Variants in ATG3 observed in about 807,000 individuals in gnomAD.
ATG3 encodes autophagy related 3, also known as ubiquitin-like-conjugating enzyme ATG3.
ATG3 carries 25 observed loss-of-function variants against 50.7 expected under a neutral mutation model. The ratio of observed to expected loss-of-function variants is 0.49; its 90% CI spans 0.36 to 0.69. The LOEUF is 0.69. Ranked by LOEUF, ATG3 falls within the 30% of genes least tolerant of loss-of-function variation. The pLI is 0.00. For synonymous variants in ATG3, 119 were observed against 125.5 expected (o/e 0.95, Z 0.34); for missense variants, 281 against 376.0 (o/e 0.75, Z 2.09).
chr3:112,548,449 C>T, intron 5 of ATG3, 84 bp downstream of exon 5: 2 of 1,186,582 alleles, frequency 1.7e-6, no homozygotes, highest in South Asian at 1.3e-5. Flanking sequence ...CTTATGTATC[C>T]TCTTTTTTAA....
chr3:112,535,891 A>G (rs1559841967), intron 10 of ATG3: 1 of 152,320 alleles, frequency 6.6e-6, no homozygotes, highest in Admixed American at 6.5e-5. Flanking sequence ...AAAATTCTGA[A>G]CTAATCATGT....
intron 7 of ATG3, among the ~76,000 whole-genome samples, chr3:112,540,275 A>G (rs1933190325): frequency 6.6e-6 from 1 of 152,222 alleles, no homozygotes; most frequent in Admixed American, 6.5e-5. Context: ...ACAAACAGAA[A>G]GGTACTTTTG....
intron 5 of ATG3, among the ~76,000 whole-genome samples, chr3:112,547,255 C>CA (rs113108937): frequency 6.6e-6 from 1 of 152,246 alleles, no homozygotes; most frequent in South Asian, 2.1e-4. Context: ...TTATCCATTC[C>CA]AAAAAACAGT....
chr3:112,554,394 AG>A (rs1933608712), intron 2 of ATG3, among the ~76,000 whole-genome samples: 1 of 152,242 alleles, frequency 6.6e-6, no homozygotes, highest in African/African-American at 2.4e-5. Flanking sequence ...ATCCTTAAGA[AG>A]GTTCTTTGTA....
chr3:112,548,787 G>A (rs1009674787), intron 4 of ATG3, 147 bp from the exon 5 acceptor site: 17 of 671,996 alleles, frequency 2.5e-5, no homozygotes, highest in African/African-American at 2.4e-4. Context: ...GTGATTAAGA[G>A]TTACATTCAG....
chr3:112,559,871 T>C (rs1933797370), intron 1 of ATG3, among the ~76,000 whole-genome samples: 1 of 152,238 alleles, frequency 6.6e-6, no homozygotes. Flanking sequence ...ACATGATTTT[T>C]CTTAATTTTT....
chr3:112,534,258 G>C lies in ATG3; in HGVS notation c.863+11C>G. 7.5e-6 allele frequency: 12 copies of C among 1,596,778 alleles called. No homozygotes were observed. The highest frequency in any genetic ancestry group is 9.4e-6 in the Non-Finnish European group (11 of 1,172,800). Reference sequence around the variant, plus strand: ...CATTTTGCCACTAATCTTACATACAGGGAAGGATACATATGAACTCCAAGT... The same window carrying C: ...CATTTTGCCACTAATCTTACATACACGGAAGGATACATATGAACTCCAAGT... On this transcript the variant is annotated intron_variant, in intron 11 of 11. Coordinates refer to ENST00000283290, the MANE Select transcript of ATG3 (RefSeq NM_022488.5).
In ATG3 at chr3:112,537,873, C is replaced by A; in HGVS notation, c.528G>T (p.Arg176Ser). ...LETDEATLDT[R>S]KIVEACKAKT... The stretch of plus-strand genomic sequence containing the variant: ...TGGCTTTACAAGCTTCTACTATTTT[C>A]CTTGTATCTAGGGTAGCCTGAAAAT... Residue 176 changes from arginine (R) to serine (S), a missense_variant, in exon 9 of 12, where the codon AGG becomes AGT. Transcript: ENST00000283290. 6.2e-7 allele frequency: 1 copy of A among 1,610,022 alleles called. No homozygotes were observed. The highest frequency in any genetic ancestry group is 8.5e-7 in the Non-Finnish European group (1 of 1,178,844).
At chr3:112,546,370 A>G (rs533639140) in intron 5 of ATG3, among the ~76,000 whole-genome samples, 233 of 152,320 alleles carry the variant, frequency 1.5e-3, no homozygotes, top group Middle Eastern at 0.01. Flanking sequence ...TAGCATATAC[A>G]GCATGCATAC....
At chr3:112,546,082 G>A (rs923884020) in intron 5 of ATG3, among the ~76,000 whole-genome samples, 9 of 152,046 alleles carry the variant, frequency 5.9e-5, no homozygotes, top group African/African-American at 2.2e-4. Context: ...CTGCCAGTGT[G>A]CCCTGCAGAA....
chr3:112,543,463 A>T (rs1933286251), intron 6 of ATG3, among the ~76,000 whole-genome samples: 1 of 152,136 alleles, frequency 6.6e-6, no homozygotes, highest in Non-Finnish European at 1.5e-5. Context: ...ATAAAACTTA[A>T]CAGATTAAGC....
chr3:112,544,101 T>C lies in ATG3; in HGVS notation c.349A>G (p.Thr117Ala), dbSNP rs761346826. 1 of 1,601,104 alleles carries C rather than the reference T, an allele frequency of 6.2e-7. No homozygotes were observed. Among genetic ancestry groups the C allele is most frequent in the Non-Finnish European group, 8.6e-7 (1 of 1,168,776 alleles). ...TCTTTAACGGCTTCCGTTATTCCTG[T>C]AATACCTATGTAAAATTCGGCAGAA... ...WVDTYHNTGI[T>A]GITEAVKEIT... The change falls in exon 6 of 12, where the codon ACA becomes GCA. Residue 117 changes from threonine (T) to alanine (A), a missense_variant. Thr to Ala is a moderately conservative substitution (Grantham distance 58, BLOSUM62 0). This residue lies in a region of ATG3 where 242 missense variants were observed against 305.0 expected (regional missense o/e 0.79). Transcript: ENST00000283290.
chr3:112,556,272 G>A lies in ATG3; in HGVS notation c.114+2104C>T, dbSNP rs1041692643. On this transcript the variant is annotated intron_variant, in intron 2 of 11. Transcript: ENST00000283290. The stretch of plus-strand genomic sequence containing the variant: ...CCTCATTAGGAGAAATTACCGTCCC[G>A]TCCGGGAGGTGAGGGGCGCCTCTGC... 5.9e-5 allele frequency among the ~76,000 whole-genome samples: 9 copies of A among 152,208 alleles called. No homozygotes were observed. The East Asian group carries it at 7.7e-4, about 13-fold the overall frequency.
At chr3:112,555,296 G>A (rs747413807) in intron 2 of ATG3, among the ~76,000 whole-genome samples, 3 of 152,120 alleles carry the variant, frequency 2.0e-5, no homozygotes, top group Non-Finnish European at 4.4e-5. Context: ...CTTGCTTCAC[G>A]TGTTCAAATG....
Position 112,544,101 on chromosome 3 carries a change from T to G in ATG3, c.349A>C (p.Thr117Pro). The change falls in exon 6 of 12, where the codon ACA (threonine) becomes CCA (proline). Residue 117 changes from threonine to proline, a missense_variant. By Grantham distance (38) the Thr-to-Pro change is conservative. Around this residue, in one of 3 missense-constraint regions of ATG3, gnomAD observed 242 missense variants for 305.0 expected, o/e 0.79. Transcript: ENST00000283290. ...TCTTTAACGGCTTCCGTTATTCCTG[T>G]AATACCTATGTAAAATTCGGCAGAA... ...WVDTYHNTGITGITEAVKEIT... is the reference protein window; with the variant it reads ...WVDTYHNTGIPGITEAVKEIT... The G allele has an allele frequency of 6.2e-7, 1 of 1,601,104 alleles. No homozygotes were observed. The highest frequency in any genetic ancestry group is 8.6e-7 in the Non-Finnish European group (1 of 1,168,776).
chr3:112,557,412 G>C (rs1933717831), intron 2 of ATG3, among the ~76,000 whole-genome samples: 1 of 152,184 alleles, frequency 6.6e-6, no homozygotes, highest in Admixed American at 6.5e-5. Context: ...GAGGTCAAGA[G>C]GTCGAGACCA....
chr3:112,557,719 C>T (rs1933728632), intron 2 of ATG3, among the ~76,000 whole-genome samples: 3 of 151,996 alleles, frequency 2.0e-5, no homozygotes, highest in Admixed American at 2.0e-4. Flanking sequence ...ACACCTTGGA[C>T]CTTAACAGCA....
intron 2 of ATG3, among the ~76,000 whole-genome samples, chr3:112,556,889 G>A (rs1411728833): frequency 8.6e-5 from 13 of 152,010 alleles, no homozygotes; most frequent in African/African-American, 2.4e-4. Context: ...CAAACACTGC[G>A]GAAGGCCACA....
chr3:112,561,390 G>A (rs866312257), intron 1 of ATG3, 67 bp downstream of exon 1: 10 of 1,532,186 alleles, frequency 6.5e-6, no homozygotes, highest in Middle Eastern at 1.7e-4. Context: ...GGGGACTCCT[G>A]CGGCGCCTGG....
Sources: gnomAD v4.1 joint callset for allele counts (sites outside exome capture counted in the v4.1 genomes callset) on GRCh38, gnomAD v4.1.1 for gene constraint, gnomAD v4.1.1 regional missense constraint, MANE v1.5 for transcripts, NCBI Gene and HGNC (gene_info 2026-07-23, HGNC 2026-07-21) for gene names.